CLSTN2: variants seen among roughly 807,000 people sequenced by gnomAD.
The protein encoded by CLSTN2 is calsyntenin-2.
CLSTN2 carries 48 observed loss-of-function variants against 101.2 expected under a neutral mutation model. The observed-to-expected ratio is 0.47, with a 90% CI of 0.38 to 0.60. The LOEUF (loss-of-function observed/expected upper bound fraction) is 0.60. Among genes scored for constraint, CLSTN2 ranks in the 20% least tolerant of loss-of-function variants. CLSTN2 has a pLI of 0.00. For missense variants in CLSTN2, 1,160 were observed against 1,238.2 expected (o/e 0.94, Z 0.95); for synonymous variants, 481 against 463.6 (o/e 1.04, Z -0.48).
intron 2 of CLSTN2, among the ~76,000 whole-genome samples, chr3:140,309,871 A>C (rs2087148633): frequency 6.6e-6 from 1 of 151,694 alleles, no homozygotes; most frequent in African/African-American, 2.4e-5. Flanking sequence ...TTCCCACTCT[A>C]CTCAGCACAT....
At chr3:140,040,432 C>A (rs897316677) in intron 1 of CLSTN2, among the ~76,000 whole-genome samples, 8 of 152,052 alleles carry the variant, frequency 5.3e-5, no homozygotes, top group African/African-American at 9.7e-5. Context: ...CTTAACAGAA[C>A]AGTTACAAGG....
intron 1 of CLSTN2, among the ~76,000 whole-genome samples, chr3:140,029,184 T>C (rs4683468): frequency 0.92 from 139,504 of 152,200 alleles, 64,965 homozygotes; most frequent in South Asian, 1. Context: ...CCAGAACATT[T>C]TCATTCTGAG....
At chr3:140,141,753 G>A (rs2009701178) in intron 1 of CLSTN2, among the ~76,000 whole-genome samples, 1 of 152,146 alleles carries the variant, frequency 6.6e-6, no homozygotes, top group African/African-American at 2.4e-5. Flanking sequence ...GCATAACTCT[G>A]TGCATAGTGG....
rs189796970 is a variant in CLSTN2, at chr3:140,288,735, T to C, written c.232+112662T>C. On this transcript the variant is annotated intron_variant, in intron 2 of 16. Coordinates refer to ENST00000458420, the MANE Select transcript of CLSTN2 (RefSeq NM_022131.3). ...GTCATCATGGCTATGGAATGTTCCA[T>C]TAACAATTTCTGAGGGATTTAAATA... Among the ~76,000 whole-genome samples the C allele has an allele frequency of 4.9e-4, 74 of 152,304 alleles. 2 individuals are homozygous for C. In the East Asian group the frequency reaches 0.011, roughly 23 times the overall value.
chr3:140,436,592 G>A (rs1015935348), intron 5 of CLSTN2, among the ~76,000 whole-genome samples: 5 of 152,194 alleles, frequency 3.3e-5, no homozygotes, highest in Non-Finnish European at 7.4e-5. Context: ...GCCAGTCTGG[G>A]CCCCTGTGGC....
At chr3:140,034,077 T>C (rs576389176) in intron 1 of CLSTN2, among the ~76,000 whole-genome samples, 28 of 152,342 alleles carry the variant, frequency 1.8e-4, no homozygotes, top group Admixed American at 1.2e-3. Context: ...ATTAAAAACA[T>C]TTCTATGCTC....
chr3:140,143,499 G>C (rs1439186886), intron 1 of CLSTN2, among the ~76,000 whole-genome samples: 2 of 152,174 alleles, frequency 1.3e-5, no homozygotes, highest in Non-Finnish European at 2.9e-5. Context: ...TCTTTATTCA[G>C]TATACTGATT....
intron 1 of CLSTN2, among the ~76,000 whole-genome samples, chr3:140,027,245 T>C (rs2007440397): frequency 6.6e-6 from 1 of 152,118 alleles, no homozygotes; most frequent in Non-Finnish European, 1.5e-5. Flanking sequence ...CCTCAGAATA[T>C]AGCCTTGTTT....
intron 1 of CLSTN2, among the ~76,000 whole-genome samples, chr3:140,156,038 C>T (rs2009948386): frequency 6.6e-6 from 1 of 152,302 alleles, no homozygotes; most frequent in South Asian, 2.1e-4. Context: ...CCTCCTTCTT[C>T]AGCGTTGTTA....
intron 5 of CLSTN2, among the ~76,000 whole-genome samples, chr3:140,431,804 C>G (rs957813691): frequency 6.6e-6 from 1 of 152,168 alleles, no homozygotes; most frequent in Non-Finnish European, 1.5e-5. Context: ...ATAATCTAGC[C>G]ACAGGCTTTG....
At chr3:140,513,585 T>TCTTC (rs201905342) in intron 8 of CLSTN2, among the ~76,000 whole-genome samples, 9 of 142,528 alleles carry the variant, frequency 6.3e-5, no homozygotes, top group East Asian at 2.0e-4. Context: ...TTTTCTTTCT[T>TCTTC]TTTTTTTTTT....
Position 140,575,799 on chromosome 3 carries a change from T to C in CLSTN2, c.*9546T>C, listed in dbSNP as rs1306863209. ...TAGGCTATGGACAGCTGATTATATATATGTGTGTGTGTGTATATGTGTGCA... is the reference window on the plus strand; with the variant it reads ...TAGGCTATGGACAGCTGATTATATACATGTGTGTGTGTGTATATGTGTGCA... On this transcript the variant is annotated 3_prime_UTR_variant, in exon 17 of 17. Coordinates refer to ENST00000458420, the MANE Select transcript of CLSTN2 (RefSeq NM_022131.3). 1 of 152,128 alleles carries C rather than the reference T, an allele frequency of 6.6e-6. No homozygotes were observed. The highest frequency in any genetic ancestry group is 1.5e-5 in the Non-Finnish European group (1 of 68,026). 9.4% of individuals were successfully genotyped at this position (152,128 alleles called of 1,614,324 possible).
rs529435728 is a variant in CLSTN2, at chr3:140,421,223, G to C, written c.736G>C (p.Asp246His). The change falls in exon 5 of 17, where the codon GAC (aspartate) becomes CAC (histidine). Residue 246 changes from aspartate (D) to histidine (H), a missense_variant. Physicochemically the swap from Asp to His is moderately conservative, Grantham distance 81. Transcript: ENST00000458420. ...CTGTGGACAGAAGCCCGCTGCTCAGGACACCCTGGTGCAGGTGGATGTGAA... is the reference window on the plus strand; with the variant it reads ...CTGTGGACAGAAGCCCGCTGCTCAGCACACCCTGGTGCAGGTGGATGTGAA... ...YDCGQKPAAQ[D>H]TLVQVDVKPV... is the part of the protein sequence containing the mutation. The C allele has an allele frequency of 5.3e-5, 86 of 1,614,178 alleles. No homozygotes were observed. In the South Asian group the frequency reaches 8.9e-4, roughly 17 times the overall value.
At chr3:140,457,539 A>G (rs910618976) in intron 6 of CLSTN2, among the ~76,000 whole-genome samples, 2 of 152,240 alleles carry the variant, frequency 1.3e-5, no homozygotes, top group African/African-American at 4.8e-5. Context: ...GGAGGGTGGT[A>G]TTAAAGGACA....
intron 1 of CLSTN2, among the ~76,000 whole-genome samples, chr3:140,159,716 T>C (rs1472985157): frequency 6.6e-6 from 1 of 152,172 alleles, no homozygotes; most frequent in African/African-American, 2.4e-5. Flanking sequence ...CACACTTGTA[T>C]GTTCACTACA....
intron 1 of CLSTN2, among the ~76,000 whole-genome samples, chr3:139,985,055 A>C (rs1935999583): frequency 6.6e-6 from 1 of 152,162 alleles, no homozygotes; most frequent in Non-Finnish European, 1.5e-5. Context: ...CCACTGCCAC[A>C]AGCAAGCGCA....
At chr3:140,074,483 T>C (rs1049912717) in intron 1 of CLSTN2, among the ~76,000 whole-genome samples, 3 of 152,198 alleles carry the variant, frequency 2.0e-5, no homozygotes, top group African/African-American at 7.2e-5. Flanking sequence ...GGATGCCTTA[T>C]TGTCTGGGCC....
At chr3:140,311,021 A>G (rs2087161896) in intron 2 of CLSTN2, among the ~76,000 whole-genome samples, 1 of 152,172 alleles carries the variant, frequency 6.6e-6, no homozygotes, top group Non-Finnish European at 1.5e-5. Flanking sequence ...GGAAGGGTGA[A>G]GCATGGCTAG....
At chr3:140,374,006 G>T (rs942975593) in intron 2 of CLSTN2, among the ~76,000 whole-genome samples, 7 of 152,180 alleles carry the variant, frequency 4.6e-5, no homozygotes, top group Non-Finnish European at 1.0e-4. Flanking sequence ...TTGTCACTGA[G>T]CCTGGATGGC....
Sources: gnomAD v4.1 joint callset for allele counts (sites outside exome capture counted in the v4.1 genomes callset) on GRCh38, gnomAD v4.1.1 for gene constraint, MANE v1.5 for transcripts, NCBI Gene and HGNC (gene_info 2026-07-23, HGNC 2026-07-21) for gene names.